The following NPAS3 variants were observed in gnomAD, a reference collection of about 807,000 sequenced individuals.
The protein encoded by NPAS3 is neuronal PAS domain protein 3.
In NPAS3, 14 loss-of-function variants were observed where a neutral mutation model predicts 73.1. The ratio of observed to expected loss-of-function variants is 0.19; its 90% CI spans 0.13 to 0.30. The LOEUF (loss-of-function observed/expected upper bound fraction) is 0.30, where lower values mean the gene tolerates loss of function less well. Among genes scored for constraint, NPAS3 ranks in the 10% least tolerant of loss-of-function variants. NPAS3 has a pLI of 1.00. For missense variants in NPAS3, 1,096 were observed against 1,250.0 expected, an observed-to-expected ratio of 0.88 and a Z score of 1.86; for synonymous variants, 620 against 541.5, an observed-to-expected ratio of 1.14 and a Z score of -2.01.
chr14:33,801,776 A>G (rs2063720356), downstream of NPAS3: 1 of 152,534 alleles, frequency 6.6e-6, no homozygotes, highest in Admixed American at 6.5e-5. Flanking sequence ...CTGAAACATT[A>G]ACTTAATTTC....
intron 3 of NPAS3, among the ~76,000 whole-genome samples, chr14:33,248,590 T>C (rs1449188067): frequency 6.6e-6 from 1 of 151,982 alleles, no homozygotes; most frequent in Non-Finnish European, 1.5e-5. Context: ...CTGTAAAATA[T>C]GTTGAAATGA....
chr14:33,032,430 A>C (rs188022935), intron 1 of NPAS3, among the ~76,000 whole-genome samples: 2 of 152,310 alleles, frequency 1.3e-5, no homozygotes, highest in Admixed American at 1.3e-4. Context: ...CAGCATGCCT[A>C]AGGGTTATTT....
chr14:32,962,290 C>T (rs926632243), intron 1 of NPAS3, among the ~76,000 whole-genome samples: 15 of 152,122 alleles, frequency 9.9e-5, no homozygotes, highest in East Asian at 1.9e-4. Flanking sequence ...GTTATTAAAA[C>T]GAATTTTGAA....
At chr14:33,014,306 C>T (rs2039318202) in intron 1 of NPAS3, among the ~76,000 whole-genome samples, 1 of 152,102 alleles carries the variant, frequency 6.6e-6, no homozygotes, top group Admixed American at 6.5e-5. Context: ...GATTCTATTT[C>T]ATAATATGCT....
chr14:33,552,392 C>T (rs570565116), intron 4 of NPAS3, among the ~76,000 whole-genome samples: 1 of 152,278 alleles, frequency 6.6e-6, no homozygotes, highest in East Asian at 1.9e-4. Flanking sequence ...TCCTCATCTG[C>T]AAAGTAGGAT....
chr14:32,998,448 A>T (rs551383526), intron 1 of NPAS3, among the ~76,000 whole-genome samples: 9 of 152,282 alleles, frequency 5.9e-5, no homozygotes, highest in Non-Finnish European at 1.2e-4. Flanking sequence ...TTGGAATTAG[A>T]TAGAGGTAGT....
intron 4 of NPAS3, among the ~76,000 whole-genome samples, chr14:33,430,317 G>A (rs775483939): frequency 6.6e-6 from 1 of 151,996 alleles, no homozygotes; most frequent in Non-Finnish European, 1.5e-5. Context: ...GGAAAGCAAA[G>A]AGTAAAATAT....
At chr14:33,440,163 T>C (rs2049181852) in intron 4 of NPAS3, among the ~76,000 whole-genome samples, 1 of 151,722 alleles carries the variant, frequency 6.6e-6, no homozygotes, top group Admixed American at 6.6e-5. Flanking sequence ...AGTGGCTGAT[T>C]GTTGAAGCCG....
At chr14:33,211,656 C>A (rs541486695) in intron 2 of NPAS3, among the ~76,000 whole-genome samples, 34 of 152,162 alleles carry the variant, frequency 2.2e-4, no homozygotes, top group Non-Finnish European at 4.7e-4. Flanking sequence ...ATCTATCTAT[C>A]TATATATTTA....
At chr14:32,976,040 C>T (rs1156968042) in intron 1 of NPAS3, among the ~76,000 whole-genome samples, 1 of 152,090 alleles carries the variant, frequency 6.6e-6, no homozygotes, top group Non-Finnish European at 1.5e-5. Context: ...ACATCAGTGG[C>T]TTTTAAACAT....
intron 2 of NPAS3, among the ~76,000 whole-genome samples, chr14:33,206,167 T>C (rs12434338): frequency 0.22 from 33,938 of 152,102 alleles, 4,126 homozygotes; most frequent in South Asian, 0.39. Flanking sequence ...CATATAATTA[T>C]AATAGAGAAA....
At chr14:33,064,353 A>G (rs1007679973) in intron 2 of NPAS3, among the ~76,000 whole-genome samples, 40 of 152,342 alleles carry the variant, frequency 2.6e-4, no homozygotes, top group African/African-American at 9.6e-4. Flanking sequence ...CCTACCAGCA[A>G]CAAAGGAACG....
intron 5 of NPAS3, among the ~76,000 whole-genome samples, chr14:33,643,795 T>G (rs187746024): frequency 6.6e-6 from 1 of 152,356 alleles, no homozygotes; most frequent in Non-Finnish European, 1.5e-5. Context: ...GTTAAAGTTT[T>G]CTCTCTGCTG....
At chr14:33,244,696 G>A (rs1427666911) in intron 3 of NPAS3, among the ~76,000 whole-genome samples, 1 of 152,020 alleles carries the variant, frequency 6.6e-6, no homozygotes, top group East Asian at 1.9e-4. Context: ...CTTTTGACCG[G>A]TTCTCTACTC....
intron 3 of NPAS3, among the ~76,000 whole-genome samples, chr14:33,292,293 G>A (rs376338872): frequency 4.5e-4 from 69 of 152,070 alleles, no homozygotes; most frequent in African/African-American, 5.8e-4. Flanking sequence ...GGATATCATG[G>A]TCCCTCATTG....
intron 1 of NPAS3, among the ~76,000 whole-genome samples, chr14:32,997,760 T>TAA (rs36083770): frequency 9.1e-4 from 103 of 112,738 alleles, no homozygotes; most frequent in African/African-American, 2.3e-3. Context: ...CCGTCTCTAC[T>TAA]AAAAAAAAAA....
intron 4 of NPAS3, among the ~76,000 whole-genome samples, chr14:33,428,194 A>G (rs2048633315): frequency 6.6e-6 from 1 of 152,136 alleles, no homozygotes; most frequent in Non-Finnish European, 1.5e-5. Flanking sequence ...TAGGTAGACC[A>G]GGGTTCAATT....
At chr14:33,623,578 A>G (rs115415282) in intron 5 of NPAS3, among the ~76,000 whole-genome samples, 40 of 152,154 alleles carry the variant, frequency 2.6e-4, no homozygotes, top group African/African-American at 9.2e-4. Flanking sequence ...CGACCCAACA[A>G]CCACGATGGT....
intron 3 of NPAS3, among the ~76,000 whole-genome samples, chr14:33,331,152 A>G (rs2043965842): frequency 6.6e-6 from 1 of 152,228 alleles, no homozygotes; most frequent in South Asian, 2.1e-4. Context: ...GAATCATCTT[A>G]TCAGGGTAAG....
Sources: allele counts gnomAD v4.1 joint callset (sites outside exome capture counted in the v4.1 genomes callset), GRCh38; gene constraint gnomAD v4.1.1; transcripts MANE v1.5; gene names NCBI Gene and HGNC (gene_info 2026-07-23, HGNC 2026-07-21).